Variants in MICU1 observed in about 807,000 individuals in gnomAD.
MICU1 encodes the protein mitochondrial calcium uptake 1.
MICU1 carries 45 observed loss-of-function variants against 56.8 expected under a neutral mutation model. That is an observed-to-expected ratio of 0.79 (90% CI 0.62 to 1.02). The LOEUF is 1.02. Among genes scored for constraint, MICU1 ranks in the 50% least tolerant of loss-of-function variants. The pLI is 0.00. For synonymous variants in MICU1, 186 were observed against 195.1 expected, an observed-to-expected ratio of 0.95 and a Z score of 0.39; for missense variants, 504 against 587.1, an observed-to-expected ratio of 0.86 and a Z score of 1.46.
At chr10:72,452,845 CTG>C (rs1865340898) in intron 8 of MICU1, among the ~76,000 whole-genome samples, 1 of 152,174 alleles carries the variant, frequency 6.6e-6, no homozygotes, top group Non-Finnish European at 1.5e-5. Context: ...AATCATATAA[CTG>C]TTACTCTCCT....
rs771306431 is a variant in MICU1 at position 72,563,027 on chromosome 10, T to A, written c.198A>T (p.Leu66=). The A allele has an allele frequency of 4.4e-6, 7 of 1,600,436 alleles. No individual in the cohort carries two copies. The highest frequency in any genetic ancestry group is 6.0e-6 in the Non-Finnish European group (7 of 1,174,388). The part of the protein sequence containing the change: ...HAESPPCVDN[L]KSDIGDKGKN... ...TCCCTTTATCACCGATGTCACTTTT[T>A]AGGTTGTCTACACATGGTGGAGATT... Residue 66 remains leucine (L), a synonymous_variant, in exon 3 of 12, where the codon CTA becomes CTT. Coordinates refer to ENST00000361114, the MANE Select transcript of MICU1 (RefSeq NM_001195518.2).
At chr10:72,503,645 A>T (rs1867148544) in intron 6 of MICU1, among the ~76,000 whole-genome samples, 1 of 152,142 alleles carries the variant, frequency 6.6e-6, no homozygotes, top group African/African-American at 2.4e-5. Context: ...AATAAAAGGC[A>T]TCCAAATAGG....
At chr10:72,449,010 C>T (rs770218178) in intron 8 of MICU1, among the ~76,000 whole-genome samples, 3 of 152,140 alleles carry the variant, frequency 2.0e-5, no homozygotes, top group African/African-American at 7.2e-5. Flanking sequence ...TCATGGCTCA[C>T]GTAGCCTCGA....
chr10:72,623,140 A>G (rs3000970), intron 1 of MICU1, among the ~76,000 whole-genome samples: 95,077 of 151,116 alleles, frequency 0.63, 31,449 homozygotes, highest in African/African-American at 0.72. Context: ...GTGGTGGCGC[A>G]CGCTCCTGTA....
intron 2 of MICU1, 62 bp downstream of exon 2, chr10:72,566,571 C>T (rs761163930): frequency 3.6e-5 from 54 of 1,511,808 alleles, no homozygotes; most frequent in Non-Finnish European, 4.5e-5. Context: ...TCCTTTCTGA[C>T]AACAGAGATG....
intron 8 of MICU1, among the ~76,000 whole-genome samples, chr10:72,442,576 A>G (rs1293825672): frequency 1.3e-5 from 2 of 152,300 alleles, no homozygotes; most frequent in Non-Finnish European, 1.5e-5. Context: ...GACTTGTTTT[A>G]TGCTAAGCGT....
chr10:72,407,050 T>G (rs962376702), intron 10 of MICU1, among the ~76,000 whole-genome samples: 4 of 152,178 alleles, frequency 2.6e-5, no homozygotes, highest in African/African-American at 9.7e-5. Flanking sequence ...AATTCCAATG[T>G]ATGAAGTTCT....
intron 1 of MICU1, among the ~76,000 whole-genome samples, chr10:72,587,799 T>A (rs1275397091): frequency 6.6e-6 from 1 of 151,648 alleles, no homozygotes; most frequent in Non-Finnish European, 1.5e-5. Context: ...AATAAATAAA[T>A]AAAACAAATA....
intron 10 of MICU1, among the ~76,000 whole-genome samples, chr10:72,388,441 T>C (rs918977078): frequency 6.6e-6 from 1 of 152,220 alleles, no homozygotes; most frequent in Non-Finnish European, 1.5e-5. Flanking sequence ...AGATCACAGA[T>C]GTGTCTACTA....
chr10:72,551,710 T>C (rs1840039987), intron 3 of MICU1, among the ~76,000 whole-genome samples: 1 of 152,308 alleles, frequency 6.6e-6, no homozygotes, highest in Admixed American at 6.5e-5. Context: ...GCCATATATA[T>C]GCCAACCTAT....
chr10:72,580,316 A>T (rs1169891561), intron 1 of MICU1, among the ~76,000 whole-genome samples: 25 of 152,108 alleles, frequency 1.6e-4, no homozygotes, highest in Non-Finnish European at 1.5e-5. Context: ...TATTTTTATT[A>T]AACAACCCCA....
At chr10:72,590,524 A>C (rs34906646) in intron 1 of MICU1, among the ~76,000 whole-genome samples, 1 of 151,844 alleles carries the variant, frequency 6.6e-6, no homozygotes, top group Admixed American at 6.6e-5. Context: ...AGAAAACAGA[A>C]GACAGGTCGG....
chr10:72,555,044 A>AAAAC (rs564609068), intron 3 of MICU1, among the ~76,000 whole-genome samples: 1 of 152,098 alleles, frequency 6.6e-6, no homozygotes, highest in Non-Finnish European at 1.5e-5. Context: ...AAAAAAACCC[A>AAAAC]AAACAAACAA....
chr10:72,369,126 A>C (rs563475636), intron 11 of MICU1, among the ~76,000 whole-genome samples: 37 of 152,002 alleles, frequency 2.4e-4, no homozygotes, highest in Admixed American at 4.6e-4. Flanking sequence ...AATTTTTTTC[A>C]AATTAACTGG....
chr10:72,519,121 CAG>C (rs1458291538), intron 5 of MICU1, among the ~76,000 whole-genome samples: 8 of 152,200 alleles, frequency 5.3e-5, no homozygotes, highest in Non-Finnish European at 1.0e-4. Context: ...AAGCAGAATG[CAG>C]GTCAAATGAC....
At chr10:72,481,502 C>T (rs1866294682) in intron 6 of MICU1, among the ~76,000 whole-genome samples, 1 of 152,076 alleles carries the variant, frequency 6.6e-6, no homozygotes, top group Admixed American at 6.6e-5. Context: ...GCCTTTGCCT[C>T]CCAGGTTTAA....
In MICU1 at chr10:72,475,304, C is replaced by A. The variant is rs757400723; in HGVS notation, c.736-7G>T. The stretch of plus-strand genomic sequence containing the variant: ...AGCGAATGATGCTCTGAACCTAATA[C>A]AGAATCAAACCCACATCCAGAAAAA... On this transcript the variant is annotated splice_polypyrimidine_tract_variant and splice_region_variant and intron_variant, in intron 7 of 11. Coordinates refer to ENST00000361114, the MANE Select transcript of MICU1 (RefSeq NM_001195518.2). The A allele has an allele frequency of 1.3e-6, 2 of 1,582,444 alleles. No homozygotes were observed. The highest frequency in any genetic ancestry group is 8.6e-7 in the Non-Finnish European group (1 of 1,162,720).
At chr10:72,431,804 T>A (rs576197339) in intron 8 of MICU1, among the ~76,000 whole-genome samples, 46 of 152,256 alleles carry the variant, frequency 3.0e-4, no homozygotes, top group Non-Finnish European at 5.9e-4. Context: ...TCCAGAAAAA[T>A]GTATCAATTT....
At chr10:72,410,210 G>A (rs545854298) in intron 9 of MICU1, among the ~76,000 whole-genome samples, 6 of 152,246 alleles carry the variant, frequency 3.9e-5, no homozygotes, top group South Asian at 4.1e-4. Flanking sequence ...TTGCTATAAA[G>A]TATTTCATTG....
Sources: gnomAD v4.1 joint callset for allele counts (sites outside exome capture counted in the v4.1 genomes callset) on GRCh38, gnomAD v4.1.1 for gene constraint, MANE v1.5 for transcripts, NCBI Gene and HGNC (gene_info 2026-07-23, HGNC 2026-07-21) for gene names.